Variants in LRP1B observed in about 807,000 individuals in gnomAD.
LRP1B encodes low-density lipoprotein receptor-related protein 1B.
LRP1B carries 217 observed loss-of-function variants against 556.6 expected under a neutral mutation model. The observed-to-expected ratio is 0.39, with a 90% CI of 0.35 to 0.44. The LOEUF (loss-of-function observed/expected upper bound fraction) is 0.44. Ranked by LOEUF, LRP1B falls within the 20% of genes least tolerant of loss-of-function variation. The pLI, the probability that LRP1B is intolerant of heterozygous loss-of-function variation, is 1.00. For missense variants in LRP1B, 5,053 were observed against 5,620.8 expected, an observed-to-expected ratio of 0.90 and a Z score of 3.23; for synonymous variants, 2,047 against 1,865.8, an observed-to-expected ratio of 1.10 and a Z score of -2.50.
chr2:141,456,649 A>G lies in LRP1B; in HGVS notation c.343+23747T>C, dbSNP rs894850086. On this transcript the variant is annotated intron_variant, in intron 3 of 90. Transcript: ENST00000389484. ...CTGCAATAAGATATGAAATGAAAAT[A>G]TTAAAAAGTCAACTTAGTTCAAAGA... Among the ~76,000 whole-genome samples, 6 of 152,360 alleles carry G rather than the reference A, an allele frequency of 3.9e-5. No individual in the cohort carries two copies. In the East Asian group the frequency reaches 7.7e-4, roughly 20 times the overall value.
chr2:140,956,923 G>C (rs981163590), intron 18 of LRP1B, among the ~76,000 whole-genome samples: 1 of 151,650 alleles, frequency 6.6e-6, no homozygotes, highest in Non-Finnish European at 1.5e-5. Context: ...ATTTAACTGA[G>C]AATTTTATAT....
chr2:140,833,592 T>C (rs1191361180), intron 31 of LRP1B, among the ~76,000 whole-genome samples: 2 of 152,236 alleles, frequency 1.3e-5, no homozygotes, highest in African/African-American at 4.8e-5. Flanking sequence ...CTCTTGTTTA[T>C]ATTACTGAGC....
chr2:141,071,781 G>A (rs1699651050), intron 7 of LRP1B, among the ~76,000 whole-genome samples: 1 of 152,078 alleles, frequency 6.6e-6, no homozygotes, highest in Admixed American at 6.5e-5. Flanking sequence ...AAAATACCTA[G>A]GAATCTAACC....
chr2:140,644,222 G>C (rs1684399238), intron 41 of LRP1B, among the ~76,000 whole-genome samples: 1 of 152,076 alleles, frequency 6.6e-6, no homozygotes, highest in Non-Finnish European at 1.5e-5. Flanking sequence ...TAATCAGCCA[G>C]TAGCTTACAT....
At chr2:141,147,742 G>A (rs1288279451) in intron 7 of LRP1B, among the ~76,000 whole-genome samples, 1 of 152,120 alleles carries the variant, frequency 6.6e-6, no homozygotes, top group Non-Finnish European at 1.5e-5. Flanking sequence ...AATGTCAAAT[G>A]AGCAAATGGA....
chr2:141,742,089 A>G (rs1693729042), intron 2 of LRP1B, among the ~76,000 whole-genome samples: 1 of 152,152 alleles, frequency 6.6e-6, no homozygotes, highest in African/African-American at 2.4e-5. Flanking sequence ...TTTGTCAAAA[A>G]TGAGTTCACT....
At chr2:141,414,331 GAA>G (rs1289117468) in intron 3 of LRP1B, among the ~76,000 whole-genome samples, 4 of 146,096 alleles carry the variant, frequency 2.7e-5, no homozygotes, top group South Asian at 4.6e-4. Context: ...GATAAAGAGA[GAA>G]AGAGAGAGAG....
intron 66 of LRP1B, among the ~76,000 whole-genome samples, chr2:140,420,923 C>T (rs750195396): frequency 3.9e-5 from 6 of 152,044 alleles, no homozygotes; most frequent in Non-Finnish European, 8.8e-5. Context: ...TGGGTATATA[C>T]AACTTTTAAA....
At chr2:140,611,452 A>G (rs1352717909) in intron 41 of LRP1B, among the ~76,000 whole-genome samples, 4 of 152,272 alleles carry the variant, frequency 2.6e-5, no homozygotes, top group African/African-American at 7.2e-5. Flanking sequence ...AGAGGGAAGA[A>G]AGTAAATAAA....
chr2:141,602,072 A>G (rs1473186213), intron 2 of LRP1B, among the ~76,000 whole-genome samples: 7 of 152,268 alleles, frequency 4.6e-5, no homozygotes, highest in Non-Finnish European at 7.4e-5. Context: ...CATAGCTACC[A>G]TGCCGTCTAT....
chr2:140,368,406 T>C (rs1366497596), intron 71 of LRP1B, among the ~76,000 whole-genome samples: 1 of 151,814 alleles, frequency 6.6e-6, no homozygotes, highest in East Asian at 1.9e-4. Context: ...TGCATGATAA[T>C]ACTTTATAAT....
At chr2:141,682,710 C>T (rs754873150) in intron 2 of LRP1B, among the ~76,000 whole-genome samples, 9 of 152,176 alleles carry the variant, frequency 5.9e-5, no homozygotes, top group Non-Finnish European at 1.3e-4. Context: ...TCTTACATAA[C>T]TTAGTTGATT....
intron 2 of LRP1B, among the ~76,000 whole-genome samples, chr2:141,654,665 A>G (rs534990200): frequency 6.6e-6 from 1 of 152,136 alleles, no homozygotes; most frequent in Non-Finnish European, 1.5e-5. Flanking sequence ...CCACAGGGCC[A>G]AGGAAGATGC....
At chr2:141,048,407 C>G (rs961082987) in intron 11 of LRP1B, among the ~76,000 whole-genome samples, 2 of 151,926 alleles carry the variant, frequency 1.3e-5, no homozygotes, top group Non-Finnish European at 1.5e-5. Context: ...AAATATATCT[C>G]TATCTGTTTT....
intron 2 of LRP1B, among the ~76,000 whole-genome samples, chr2:141,558,114 C>A (rs976823936): frequency 2.0e-5 from 3 of 151,882 alleles, no homozygotes; most frequent in African/African-American, 7.2e-5. Context: ...TTTCCTGAGT[C>A]AATTGCTCTT....
At chr2:140,252,415 G>A (rs1315185162) in intron 86 of LRP1B, among the ~76,000 whole-genome samples, 5 of 151,816 alleles carry the variant, frequency 3.3e-5, no homozygotes, top group African/African-American at 4.8e-5. Context: ...ACTTCTATAA[G>A]AATCCTATGA....
At chr2:142,015,225 T>C (rs1703080750) in intron 1 of LRP1B, among the ~76,000 whole-genome samples, 1 of 152,126 alleles carries the variant, frequency 6.6e-6, no homozygotes, top group Admixed American at 6.6e-5. Flanking sequence ...ACCACACATC[T>C]ACAAGCAGCT....
chr2:141,147,802 A>G (rs1701822916), intron 7 of LRP1B, among the ~76,000 whole-genome samples: 1 of 152,192 alleles, frequency 6.6e-6, no homozygotes, highest in Admixed American at 6.5e-5. Context: ...ATTTTAGCCA[A>G]TGATAAACTG....
At position 140,370,773 on chromosome 2, in the gene LRP1B, T is replaced by C; in HGVS notation, c.10945A>G (p.Arg3649Gly). 1.2e-6 allele frequency: 2 copies of C among 1,612,882 alleles called. No homozygotes were observed. Among genetic ancestry groups the C allele is most frequent in the South Asian group, 2.2e-5 (2 of 91,054 alleles). Residue 3649 changes from arginine to glycine, a missense_variant, in exon 71 of 91, where the codon AGA becomes GGA. This residue lies in a region of LRP1B where 599 missense variants were observed against 648.4 expected (regional missense o/e 0.92). Coordinates refer to ENST00000389484, the MANE Select transcript of LRP1B (RefSeq NM_018557.3). ...TCATGAATTCCATCACACAGCCATC[T>C]AATTGGAATACAGTGGGCTTTATTT... is the stretch of plus-strand genomic sequence containing the variant. The part of the protein sequence containing the change: ...CKNKAHCIPI[R>G]WLCDGIHDCV...
Sources: allele counts gnomAD v4.1 joint callset (sites outside exome capture counted in the v4.1 genomes callset), GRCh38; gene constraint gnomAD v4.1.1; regional missense constraint gnomAD v4.1.1; transcripts MANE v1.5; gene names NCBI Gene and HGNC (gene_info 2026-07-23, HGNC 2026-07-21).